The following NRIP1 variants were observed in gnomAD, a reference collection of about 807,000 sequenced individuals.
NRIP1 encodes the protein nuclear receptor-interacting protein 1.
A neutral mutation model predicts 75.0 loss-of-function variants in NRIP1; 28 were observed. That is an observed-to-expected ratio of 0.37 (90% CI 0.28 to 0.51). The LOEUF (loss-of-function observed/expected upper bound fraction) is 0.51. NRIP1 is among the 20% of genes least tolerant of loss of function. The pLI is 0.92. For missense variants in NRIP1, 1,435 were observed against 1,343.7 expected (o/e 1.07, Z -1.06); for synonymous variants, 526 against 487.6 (o/e 1.08, Z -1.04).
chr21:15,029,652 C>A (rs2147248731), intron 2 of NRIP1, among the ~76,000 whole-genome samples: 1 of 152,116 alleles, frequency 6.6e-6, no homozygotes, highest in Middle Eastern at 3.4e-3. Flanking sequence ...ATACAGCAGG[C>A]ACTCAATAAA....
intron 2 of NRIP1, among the ~76,000 whole-genome samples, chr21:15,027,208 CA>C (rs760433331): frequency 5.3e-5 from 8 of 151,998 alleles, no homozygotes; most frequent in Non-Finnish European, 1.2e-4. Flanking sequence ...TGCAAGACAC[CA>C]GGGGCAAGGA....
At chr21:15,020,368 C>T (rs577547668) in intron 2 of NRIP1, among the ~76,000 whole-genome samples, 191 of 152,144 alleles carry the variant, frequency 1.3e-3, no homozygotes, top group African/African-American at 4.0e-3. Context: ...ATACATGGTG[C>T]GGTACAGTTA....
intron 3 of NRIP1, among the ~76,000 whole-genome samples, chr21:14,989,371 G>A (rs537392909): frequency 1.3e-5 from 2 of 152,276 alleles, no homozygotes; most frequent in South Asian, 2.1e-4. Context: ...TTCTTATTCC[G>A]AGGGGCCTGC....
Position 14,964,694 on chromosome 21 carries a change from A to G in NRIP1, c.*22T>C. ...ATACTCATTAGTTTTAAAAAGATCC[A>G]AAACTGGATGGCAGGTACATTTTAT... On this transcript the variant is annotated 3_prime_UTR_variant, in exon 4 of 4. Transcript: ENST00000318948. The G allele has an allele frequency of 6.7e-7, 1 of 1,500,220 alleles. No individual in the cohort carries two copies. Among genetic ancestry groups the G allele is most frequent in the African/African-American group, 1.4e-5 (1 of 71,452 alleles). The allele number at this position is 1,500,220 out of a possible 1,614,324, so 92.9% of individuals were successfully genotyped here. A position where few individuals can be genotyped will look rare whatever the true frequency, so the allele number is the denominator to read the frequency against.
chr21:14,976,523 G>A (rs563064640), intron 3 of NRIP1, among the ~76,000 whole-genome samples: 1 of 152,104 alleles, frequency 6.6e-6, no homozygotes, highest in Non-Finnish European at 1.5e-5. Context: ...AAAGACAGTA[G>A]TAAATACTGT....
intron 2 of NRIP1, among the ~76,000 whole-genome samples, chr21:15,038,673 A>T (rs1179105278): frequency 1.3e-5 from 2 of 152,092 alleles, no homozygotes; most frequent in Non-Finnish European, 1.5e-5. Context: ...ACTACTTTCA[A>T]ATTATTCAAA....
At chr21:14,977,363 A>G (rs2087101832) in intron 3 of NRIP1, among the ~76,000 whole-genome samples, 1 of 152,250 alleles carries the variant, frequency 6.6e-6, no homozygotes, top group African/African-American at 2.4e-5. Context: ...TGAATGAGAA[A>G]CACTAAGCCA....
intron 2 of NRIP1, among the ~76,000 whole-genome samples, chr21:15,024,598 C>G (rs62220721): frequency 1.4e-3 from 141 of 99,072 alleles, no homozygotes; most frequent in African/African-American, 5.1e-3. Flanking sequence ...GTGTGTGTGT[C>G]TGTGTGTGTG....
intron 3 of NRIP1, among the ~76,000 whole-genome samples, chr21:15,003,373 A>G (rs2087892582): frequency 6.6e-6 from 1 of 152,158 alleles, no homozygotes; most frequent in Non-Finnish European, 1.5e-5. Context: ...CTCATTTTGC[A>G]CTTTTTCTAT....
At chr21:15,044,137 A>G (rs1371126538) in intron 1 of NRIP1, among the ~76,000 whole-genome samples, 1 of 151,972 alleles carries the variant, frequency 6.6e-6, no homozygotes, top group Non-Finnish European at 1.5e-5. Flanking sequence ...ATCTGTTTTT[A>G]TTTTACTATA....
chr21:15,045,190 C>T (rs2089043504), intron 1 of NRIP1, among the ~76,000 whole-genome samples: 1 of 152,064 alleles, frequency 6.6e-6, no homozygotes, highest in Non-Finnish European at 1.5e-5. Context: ...TCCATTCTAC[C>T]CAGATGAGTT....
intron 3 of NRIP1, among the ~76,000 whole-genome samples, chr21:14,986,043 T>C (rs1281274621): frequency 6.6e-6 from 1 of 152,182 alleles, no homozygotes; most frequent in African/African-American, 2.4e-5. Context: ...AATTAAACTA[T>C]TTCTCTGTGC....
chr21:15,048,073 A>G (rs1290943162), intron 1 of NRIP1, among the ~76,000 whole-genome samples: 1 of 152,230 alleles, frequency 6.6e-6, no homozygotes, highest in Non-Finnish European at 1.5e-5. Flanking sequence ...CAGTCAGACC[A>G]CACTGAACAA....
At position 14,966,678 on chromosome 21, in the gene NRIP1, A is replaced by T; in HGVS notation, c.1515T>A (p.Leu505=). ...HQKVTLLQLL[L]GHKNEENVEK... ...CTACATTTTCTTCATTCTTATGGCC[A>T]AGTAGCAATTGAAGAAGTGTTACTT... Residue 505 remains leucine (L), a synonymous_variant, in exon 4 of 4, where the codon CTT becomes CTA. Coordinates refer to ENST00000318948, the MANE Select transcript of NRIP1 (RefSeq NM_003489.4). The T allele has an allele frequency of 6.2e-7, 1 of 1,614,094 alleles. No homozygotes were observed. The highest frequency in any genetic ancestry group is 8.5e-7 in the Non-Finnish European group (1 of 1,179,996).
intron 3 of NRIP1, among the ~76,000 whole-genome samples, chr21:14,990,804 T>C (rs2087549230): frequency 1.3e-5 from 2 of 152,158 alleles, no homozygotes; most frequent in Admixed American, 6.5e-5. Flanking sequence ...CTGATACAGC[T>C]AACTTCTATC....
Position 14,967,720 on chromosome 21 carries a change from T to C in NRIP1, c.473A>G (p.Lys158Arg), listed in dbSNP as rs763602107. ...ATGACTGAGGGCATATCCTTGCTCC[T>C]TGAGGCTCTGCCTGATTTGTTGTGA... ...ALSQQIRQSL[K>R]EQGYALSHDS... is the part of the protein sequence containing the mutation. The change falls in exon 4 of 4, where the codon AAG becomes AGG. Residue 158 changes from lysine to arginine, a missense_variant. Transcript: ENST00000318948. 8 of 1,614,162 alleles carry C rather than the reference T, an allele frequency of 5.0e-6. No homozygotes were observed. Among genetic ancestry groups the C allele is most frequent in the South Asian group, 1.1e-5 (1 of 91,082 alleles).
chr21:15,056,507 A>T (rs1052365415), intron 1 of NRIP1, among the ~76,000 whole-genome samples: 3 of 151,424 alleles, frequency 2.0e-5, no homozygotes, highest in African/African-American at 4.8e-5. Context: ...ATTTTAATTC[A>T]TTTTTTTTTA....
chr21:14,966,059 C>T lies in NRIP1; in HGVS notation c.2134G>A (p.Val712Ile). Residue 712 changes from valine to isoleucine, a missense_variant, in exon 4 of 4, where the codon GTC becomes ATC. Val to Ile is a conservative substitution (Grantham distance 29, BLOSUM62 3). Transcript: ENST00000318948. Reference sequence around the variant, plus strand: ...GGGTTCCCCAGGAGCAACTGGAGGACAGTACGTCTTTCAAGCAGATTTTCT... The same window carrying T: ...GGGTTCCCCAGGAGCAACTGGAGGATAGTACGTCTTTCAAGCAGATTTTCT... Reference protein sequence around the residue: ...EIENLLERRTVLQLLLGNPNK... With the variant: ...EIENLLERRTILQLLLGNPNK... 6.2e-7 allele frequency: 1 copy of T among 1,612,798 alleles called. No homozygotes were observed. Among genetic ancestry groups the T allele is most frequent in the Non-Finnish European group, 8.5e-7 (1 of 1,179,944 alleles).
At chr21:15,022,639 A>G (rs2088406019) in intron 2 of NRIP1, among the ~76,000 whole-genome samples, 1 of 152,242 alleles carries the variant, frequency 6.6e-6, no homozygotes, top group African/African-American at 2.4e-5. Flanking sequence ...AACCTAATGT[A>G]TTACAATTAC....
Sources: allele counts gnomAD v4.1 joint callset (sites outside exome capture counted in the v4.1 genomes callset), GRCh38; gene constraint gnomAD v4.1.1; transcripts MANE v1.5; gene names NCBI Gene and HGNC (gene_info 2026-07-23, HGNC 2026-07-21).